Variants in TF observed in about 807,000 individuals in gnomAD.
The protein encoded by TF is transferrin.
Under a neutral mutation model 82.4 loss-of-function variants are expected in TF, and 55 were observed. The observed-to-expected ratio is 0.67, with a 90% CI of 0.54 to 0.84. TF has a LOEUF of 0.84. TF is among the 40% of genes least tolerant of loss of function. The pLI is 0.00. For synonymous variants in TF, 332 were observed against 332.6 expected, an observed-to-expected ratio of 1.00 and a Z score of 0.02; for missense variants, 737 against 868.4, an observed-to-expected ratio of 0.85 and a Z score of 1.90.
chr3:133,686,191 A>C, the TF span, among the ~76,000 whole-genome samples: 10 of 152,250 alleles, frequency 6.6e-5, no homozygotes, highest in Non-Finnish European at 1.5e-4. Flanking sequence ...TTATAAAAAC[A>C]TTAATTCGAG....
the TF span, among the ~76,000 whole-genome samples, chr3:133,687,346 TA>T: frequency 0.037 from 5,490 of 149,580 alleles, 337 homozygotes; most frequent in African/African-American, 0.13. Context: ...AAGTATAATT[TA>T]AAAAAAAAAG....
At chr3:133,673,421 T>G in the TF span, among the ~76,000 whole-genome samples, 1 of 152,268 alleles carries the variant, frequency 6.6e-6, no homozygotes, top group East Asian at 1.9e-4. Context: ...ACAGTTAAAA[T>G]TATATCCACA....
chr3:133,723,227 A>G, the TF span, among the ~76,000 whole-genome samples: 1 of 152,146 alleles, frequency 6.6e-6, no homozygotes, highest in Admixed American at 6.6e-5. Context: ...TTGACTTTTG[A>G]CAGTTTGATT....
rs1181720240 is a variant in TF, at chr3:133,792,826, T to C, written c.*14206T>C. ...TAAAAATTAATATTGTAAAAAATTA[T>C]GTGTGTGAACATATTGACTAAATTT... On this transcript the variant is annotated 3_prime_UTR_variant, in exon 17 of 17. Coordinates refer to ENST00000402696, the MANE Select transcript of TF (RefSeq NM_001063.4). The C allele has an allele frequency of 6.6e-6, 1 of 152,206 alleles. No homozygotes were observed. The highest frequency in any genetic ancestry group is 1.9e-4 in the East Asian group (1 of 5,200). 9.4% of individuals were successfully genotyped at this position (152,206 alleles called of 1,614,324 possible). A position where few individuals can be genotyped will look rare whatever the true frequency, so the allele number is the denominator to read the frequency against.
chr3:133,706,654 C>A, the TF span, among the ~76,000 whole-genome samples: 1 of 152,076 alleles, frequency 6.6e-6, no homozygotes, highest in East Asian at 1.9e-4. Context: ...GAGGTGAAAA[C>A]CAAGTGCATA....
chr3:133,718,794 A>G, the TF span, among the ~76,000 whole-genome samples: 15 of 152,196 alleles, frequency 9.9e-5, no homozygotes, highest in Non-Finnish European at 1.6e-4. Flanking sequence ...GCTGAGGTGA[A>G]GTTAAGGATC....
intron 9 of TF, among the ~76,000 whole-genome samples, chr3:133,759,824 A>T (rs1310019991): frequency 1.3e-5 from 2 of 152,098 alleles, no homozygotes; most frequent in Non-Finnish European, 2.9e-5. Context: ...GTCTCTAACA[A>T]CATTTTTTTT....
In TF at chr3:133,753,704, G is replaced by A. The variant is rs1933740488; in HGVS notation, c.325+1G>A. ...GCAGAGTTCTATGGGTCAAAAGAGG[G>A]TAAGTTCTCCCTGGGACCCCAGGAA... On this transcript the variant is annotated splice_donor_variant, in intron 3 of 16. Transcript: ENST00000402696. LOFTEE classifies it high-confidence loss of function. The A allele has an allele frequency of 1.2e-6, 2 of 1,612,248 alleles. No homozygotes were observed. Among genetic ancestry groups the A allele is most frequent in the Non-Finnish European group, 1.7e-6 (2 of 1,178,234 alleles).
the TF span, among the ~76,000 whole-genome samples, chr3:133,734,183 T>C: frequency 6.6e-6 from 1 of 152,300 alleles, no homozygotes; most frequent in Admixed American, 6.5e-5. Context: ...TGTGTGTGTT[T>C]CTGTGTCCCC....
chr3:133,764,697 C>T (rs940828038), intron 10 of TF, among the ~76,000 whole-genome samples, 178 bp from the exon 11 acceptor site: 1 of 152,082 alleles, frequency 6.6e-6, no homozygotes, highest in African/African-American at 2.4e-5. Context: ...ATTCTAGAGG[C>T]CAGGAGGTGA....
At chr3:133,725,901 T>C in the TF span, among the ~76,000 whole-genome samples, 1 of 152,260 alleles carries the variant, frequency 6.6e-6, no homozygotes, top group African/African-American at 2.4e-5. Flanking sequence ...CTTTTCTACA[T>C]CTATTGAGAT....
intron 2 of TF, among the ~76,000 whole-genome samples, chr3:133,752,647 A>G (rs1204044982): frequency 6.6e-6 from 1 of 152,210 alleles, no homozygotes; most frequent in African/African-American, 2.4e-5. Context: ...ACAGAAGCAC[A>G]AAGTCAAAAA....
At chr3:133,720,378 A>G in the TF span, among the ~76,000 whole-genome samples, 3 of 152,106 alleles carry the variant, frequency 2.0e-5, no homozygotes, top group African/African-American at 7.2e-5. Flanking sequence ...CTTTTATTCT[A>G]TTAATGTGGT....
At chr3:133,746,366 A>G, upstream of TF, 1 of 1,525,858 alleles carries the variant, frequency 6.6e-7, no homozygotes, top group Non-Finnish European at 8.9e-7. Context: ...GGAATGGAAT[A>G]AAGGGACGCG....
At chr3:133,746,590 CCTGGGTGT>C in intron 1 of TF, 107 bp downstream of exon 1, 1 of 1,329,342 alleles carries the variant, frequency 7.5e-7, no homozygotes, top group Non-Finnish European at 1.0e-6. Flanking sequence ...AGGCTGGAAG[CCTGGGTGT>C]CTGGGTGCCT....
the TF span, among the ~76,000 whole-genome samples, chr3:133,732,508 C>T: frequency 0.19 from 29,569 of 152,060 alleles, 2,991 homozygotes; most frequent in East Asian, 0.29. Flanking sequence ...GAGCCAACAG[C>T]GGCAACCCAC....
the TF span, among the ~76,000 whole-genome samples, chr3:133,698,901 C>T: frequency 6.6e-6 from 1 of 152,186 alleles, no homozygotes; most frequent in African/African-American, 2.4e-5. Context: ...GCCCCTAGAC[C>T]TCCTTCCATC....
chr3:133,740,134 G>C, the TF span, among the ~76,000 whole-genome samples: 43 of 152,204 alleles, frequency 2.8e-4, no homozygotes, highest in Non-Finnish European at 5.0e-4. Context: ...ACATATACAC[G>C]ATGGAATACT....
In TF at chr3:133,746,491, C is replaced by A. The variant is rs368521553; in HGVS notation, c.43+8C>A. On this transcript the variant is annotated splice_region_variant and intron_variant, in intron 1 of 16. Coordinates refer to ENST00000402696, the MANE Select transcript of TF (RefSeq NM_001063.4). ...TGGTCTGCGCCGTCCTGGGTGAGTGCGGGCACGGGGTAGCACCGCAGAGTC... is the reference window on the plus strand; with the variant it reads ...TGGTCTGCGCCGTCCTGGGTGAGTGAGGGCACGGGGTAGCACCGCAGAGTC... 1,079 of 1,595,298 alleles carry A rather than the reference C, an allele frequency of 6.8e-4. 1 individual carries two copies. The highest frequency in any genetic ancestry group is 8.8e-4 in the Non-Finnish European group (1,039 of 1,175,940).
Sources: allele counts gnomAD v4.1 joint callset (sites outside exome capture counted in the v4.1 genomes callset), GRCh38; gene constraint gnomAD v4.1.1; transcripts MANE v1.5; gene names NCBI Gene and HGNC (gene_info 2026-07-23, HGNC 2026-07-21).